The following MBTD1 variants were observed in gnomAD, a reference collection of about 807,000 sequenced individuals.
MBTD1 encodes MBT domain-containing protein 1.
Under a neutral mutation model 87.8 loss-of-function variants are expected in MBTD1, and 24 were observed. The ratio of observed to expected loss-of-function variants is 0.27; its 90% CI spans 0.20 to 0.38. The LOEUF (loss-of-function observed/expected upper bound fraction) is 0.38. Among genes scored for constraint, MBTD1 ranks in the 10% least tolerant of loss-of-function variants. The pLI is 1.00. For missense variants in MBTD1, 436 were observed against 760.2 expected (o/e 0.57, Z 5.02); for synonymous variants, 237 against 248.6 (o/e 0.95, Z 0.44).
At chr17:51,209,165 G>C (rs1047945785) in intron 6 of MBTD1, 1 of 330,842 alleles carries the variant, frequency 3.0e-6, no homozygotes, top group African/African-American at 2.2e-5. Flanking sequence ...ATATTCTTAA[G>C]TGTGGAAGAC....
At chr17:51,211,803 ACT>A (rs1388204609) in intron 6 of MBTD1, among the ~76,000 whole-genome samples, 2 of 151,914 alleles carry the variant, frequency 1.3e-5, no homozygotes, top group African/African-American at 4.8e-5. Flanking sequence ...ACCAAAAATG[ACT>A]CTACTTGAAA....
At chr17:51,243,425 T>C (rs560842764) in intron 2 of MBTD1, among the ~76,000 whole-genome samples, 1 of 152,290 alleles carries the variant, frequency 6.6e-6, no homozygotes, top group South Asian at 2.1e-4. Context: ...ATTTTTCTTC[T>C]CTAAACACAT....
intron 6 of MBTD1, among the ~76,000 whole-genome samples, chr17:51,211,625 AGTAC>A (rs1372174556): frequency 6.6e-6 from 1 of 152,182 alleles, no homozygotes; most frequent in African/African-American, 2.4e-5. Flanking sequence ...AGCACTAAGA[AGTAC>A]CAGAAACTAA....
chr17:51,194,566 CAAAAAAA>C (rs71355733), intron 13 of MBTD1, among the ~76,000 whole-genome samples: 4 of 19,734 alleles, frequency 2.0e-4, no homozygotes, highest in South Asian at 4.5e-3. Flanking sequence ...GAGACTGTCT[CAAAAAAA>C]AAAAAAAAAA....
At chr17:51,187,255 C>T (rs1347493078) in intron 16 of MBTD1, among the ~76,000 whole-genome samples, 1 of 151,622 alleles carries the variant, frequency 6.6e-6, no homozygotes, top group Non-Finnish European at 1.5e-5. Flanking sequence ...ACAGTGAGAC[C>T]CATCTCTACA....
At chr17:51,217,205 AAG>A (rs2052620529) in intron 6 of MBTD1, 127 bp downstream of exon 6, 1 of 560,862 alleles carries the variant, frequency 1.8e-6, no homozygotes, top group East Asian at 3.4e-5. Context: ...ATAATAATAA[AAG>A]AAGCATTTCA....
intron 2 of MBTD1, among the ~76,000 whole-genome samples, chr17:51,238,229 T>TA (rs1285398743): frequency 6.6e-6 from 1 of 152,204 alleles, no homozygotes; most frequent in Non-Finnish European, 1.5e-5. Context: ...TGTCAATTTT[T>TA]ACTTCAATAA....
At chr17:51,260,469 G>A, upstream of MBTD1, 4 of 1,147,566 alleles carry the variant, frequency 3.5e-6, no homozygotes, top group East Asian at 2.6e-5. Flanking sequence ...CGTGGCAAGA[G>A]GCTGCGCAGG....
At position 51,179,512 on chromosome 17, in the gene MBTD1, A is replaced by ATATATATATT. The variant is rs2050222514; in HGVS notation, c.*1063_*1064insAATATATATA. The ATATATATATT allele has an allele frequency of 1.0e-5, 1 of 97,006 alleles. No homozygotes were observed. The allele number at this position is 97,006 out of a possible 1,614,324, so 6.0% of individuals were successfully genotyped here. On this transcript the variant is annotated 3_prime_UTR_variant, in exon 17 of 17. Transcript: ENST00000586178. Reference sequence around the variant, plus strand: ...TATATATATATATATATATATATATATATATATATATATATATATATATAT... The same window carrying ATATATATATT: ...TATATATATATATATATATATATATATATATATATTTATATATATATATATATATATATAT...
chr17:51,260,248 G>A (rs1371835747), upstream of MBTD1: 2 of 449,068 alleles, frequency 4.5e-6, no homozygotes, highest in Non-Finnish European at 7.9e-6. Context: ...AGGAAAAGCA[G>A]AAGTTCCATT....
intron 2 of MBTD1, among the ~76,000 whole-genome samples, chr17:51,257,190 CT>C (rs2055139878): frequency 6.6e-6 from 1 of 152,138 alleles, no homozygotes; most frequent in Admixed American, 6.5e-5. Context: ...ATTGTAAGTC[CT>C]TTCTCTTTTA....
chr17:51,197,759 G>A (rs143486486), intron 12 of MBTD1, among the ~76,000 whole-genome samples: 16 of 152,124 alleles, frequency 1.1e-4, no homozygotes, highest in South Asian at 6.2e-4. Context: ...TGCCTGCCTC[G>A]GCCTCTCAAA....
chr17:51,223,574 C>T (rs1386392598), intron 3 of MBTD1, among the ~76,000 whole-genome samples: 2 of 149,336 alleles, frequency 1.3e-5, no homozygotes, highest in East Asian at 4.0e-4. Flanking sequence ...GGTGGCTCAC[C>T]CCAGTAATCC....
chr17:51,250,435 T>A (rs955446082), intron 2 of MBTD1: 1 of 152,154 alleles, frequency 6.6e-6, no homozygotes, highest in Non-Finnish European at 1.5e-5. Context: ...GGTAAACGAG[T>A]ACAGTATTCC....
rs1397249707 is a variant in MBTD1, at chr17:51,201,713, A to C, written c.1120-17T>G. 1 of 1,406,820 alleles carries C rather than the reference A, an allele frequency of 7.1e-7. No homozygotes were observed. The highest frequency in any genetic ancestry group is 1.8e-5 in the Admixed American group (1 of 57,136). 87.1% of individuals were successfully genotyped at this position (1,406,820 alleles called of 1,614,324 possible). ...TTCTTTTACCTAAAGAATTATATGA[A>C]AGCACATCTACTGTTACAAATGTTG... is the stretch of plus-strand genomic sequence containing the variant. On this transcript the variant is annotated splice_polypyrimidine_tract_variant and intron_variant, in intron 11 of 16. Coordinates refer to ENST00000586178, the MANE Select transcript of MBTD1 (RefSeq NM_017643.3).
At chr17:51,258,372 T>C (rs997206095) in intron 2 of MBTD1, among the ~76,000 whole-genome samples, 16 of 152,154 alleles carry the variant, frequency 1.1e-4, no homozygotes, top group Admixed American at 3.9e-4. Context: ...CCAGTGACAA[T>C]AGTTTCAACT....
intron 2 of MBTD1, chr17:51,249,750 T>A (rs2054666679): frequency 6.6e-6 from 1 of 152,218 alleles, no homozygotes; most frequent in Non-Finnish European, 1.5e-5. Context: ...AAAGTCTTCG[T>A]CACGCTTACC....
Position 51,192,764 on chromosome 17 carries a change from T to C in MBTD1, c.1690+18A>G. The C allele has an allele frequency of 6.2e-7, 1 of 1,612,536 alleles. No individual in the cohort carries two copies. The highest frequency in any genetic ancestry group is 8.5e-7 in the Non-Finnish European group (1 of 1,178,820). ...GCTGATTTTTACAAAAGGACACCTTTTCTGTATACCAACTTACACTGTGAT... is the reference window on the plus strand; with the variant it reads ...GCTGATTTTTACAAAAGGACACCTTCTCTGTATACCAACTTACACTGTGAT... On this transcript the variant is annotated intron_variant, in intron 15 of 16. Coordinates refer to ENST00000586178, the MANE Select transcript of MBTD1 (RefSeq NM_017643.3).
chr17:51,206,811 T>C, intron 7 of MBTD1, 77 bp downstream of exon 7: 3 of 1,056,060 alleles, frequency 2.8e-6, no homozygotes, highest in South Asian at 2.8e-5. Context: ...ACTTGCAAAA[T>C]TTATAAACAT....
Sources: gnomAD v4.1 joint callset for allele counts (sites outside exome capture counted in the v4.1 genomes callset) on GRCh38, gnomAD v4.1.1 for gene constraint, MANE v1.5 for transcripts, NCBI Gene and HGNC (gene_info 2026-07-23, HGNC 2026-07-21) for gene names.